The following PECR variants were observed in gnomAD, a reference collection of about 807,000 sequenced individuals.
PECR encodes the protein peroxisomal trans-2-enoyl-CoA reductase.
PECR carries 30 observed loss-of-function variants against 35.3 expected under a neutral mutation model. The observed-to-expected ratio is 0.85, with a 90% CI of 0.64 to 1.15. The LOEUF is 1.15. PECR is among the 50% of genes most tolerant of loss of function. The probability of loss-of-function intolerance (pLI) is 0.00; values close to 1 mark genes in which losing one functional copy is unlikely to be tolerated. For synonymous variants in PECR, 148 were observed against 138.9 expected (o/e 1.07, Z -0.46); for missense variants, 392 against 370.8 (o/e 1.06, Z -0.47).
At chr2:216,058,997 C>T in intron 3 of PECR, 21 bp from the exon 4 acceptor site, 1 of 1,501,834 alleles carries the variant, frequency 6.7e-7, no homozygotes, top group Non-Finnish European at 9.3e-7. Context: ...GAGGCAAACT[C>T]AATCATTAAA....
At chr2:216,046,304 A>ATTT (rs1559209216) in intron 6 of PECR, among the ~76,000 whole-genome samples, 1 of 115,134 alleles carries the variant, frequency 8.7e-6, no homozygotes, top group African/African-American at 4.0e-5. Context: ...ATATATATAT[A>ATTT]TATATATTTT....
At chr2:216,046,279 TATATATATACATAC>T (rs1247805124) in intron 6 of PECR, among the ~76,000 whole-genome samples, 15 of 19,140 alleles carry the variant, frequency 7.8e-4, no homozygotes, top group African/African-American at 2.8e-3. Flanking sequence ...ACATAAAGTA[TATATATATACATAC>T]ATATATATAT....
chr2:216,033,387 C>T (rs565040187), intron 7 of PECR, among the ~76,000 whole-genome samples: 7 of 152,066 alleles, frequency 4.6e-5, no homozygotes, highest in South Asian at 2.1e-4. Context: ...TTCACAAGAG[C>T]GAGTAAGTGG....
intron 1 of PECR, among the ~76,000 whole-genome samples, chr2:216,067,867 AAG>A (rs1011539749): frequency 1.3e-5 from 2 of 152,150 alleles, no homozygotes; most frequent in African/African-American, 4.8e-5. Context: ...ATCCAACAAA[AAG>A]AACTACCAGG....
chr2:216,035,550 C>A (rs1359018447), downstream of PECR, among the ~76,000 whole-genome samples: 1 of 150,462 alleles, frequency 6.6e-6, no homozygotes, highest in Non-Finnish European at 1.5e-5. Context: ...TGCAATGGTG[C>A]AATCTTGGCT....
intron 5 of PECR, among the ~76,000 whole-genome samples, chr2:216,049,772 T>C (rs2105949209): frequency 6.6e-6 from 1 of 152,360 alleles, no homozygotes; most frequent in African/African-American, 2.4e-5. Flanking sequence ...ACGTGAGACT[T>C]AGAAAAATGC....
chr2:216,032,842 T>C (rs547445467), intron 7 of PECR: 3 of 152,360 alleles, frequency 2.0e-5, no homozygotes, highest in East Asian at 1.9e-4. Flanking sequence ...TTTCAATAGA[T>C]GCCTTCTTTG....
chr2:216,080,058 C>T (rs1388732689), intron 1 of PECR, among the ~76,000 whole-genome samples: 1 of 150,960 alleles, frequency 6.6e-6, no homozygotes, highest in African/African-American at 2.4e-5. Context: ...GTATGCATTT[C>T]TCCAAGTAAG....
chr2:216,065,449 T>C lies in PECR; in HGVS notation c.287A>G (p.Asp96Gly). 1 of 1,608,174 alleles carries C rather than the reference T, an allele frequency of 6.2e-7. No homozygotes were observed. The highest frequency in any genetic ancestry group is 8.5e-7 in the Non-Finnish European group (1 of 1,174,530). ...CAAGAAATTGATCTTACCAAAAGTA[T>C]CTAAGGTAGATTTGACCAAATTATT... is the stretch of plus-strand genomic sequence containing the variant. ...EVNNLVKSTL[D>G]TFGKINFLVN... The change falls in exon 3 of 8, where the codon GAT becomes GGT. Residue 96 changes from aspartate to glycine, a missense_variant. Transcript: ENST00000265322.
At chr2:216,070,954 G>A (rs1574704197) in intron 1 of PECR, among the ~76,000 whole-genome samples, 1 of 152,134 alleles carries the variant, frequency 6.6e-6, no homozygotes, top group East Asian at 1.9e-4. Flanking sequence ...ACCCTCCAGC[G>A]GTATACTGAG....
At chr2:216,073,112 C>A (rs939495679) in intron 1 of PECR, among the ~76,000 whole-genome samples, 3 of 152,144 alleles carry the variant, frequency 2.0e-5, no homozygotes, top group Non-Finnish European at 2.9e-5. Flanking sequence ...TCCTTGTAAG[C>A]CTTGCCTAAC....
At chr2:216,053,306 T>C (rs1323558893) in intron 4 of PECR, among the ~76,000 whole-genome samples, 2 of 151,966 alleles carry the variant, frequency 1.3e-5, no homozygotes, top group African/African-American at 2.4e-5. Flanking sequence ...TGCAGTGGCA[T>C]GATCTCGGCT....
downstream of PECR, among the ~76,000 whole-genome samples, chr2:216,034,776 G>A (rs931203667): frequency 1.3e-5 from 2 of 152,078 alleles, no homozygotes; most frequent in Admixed American, 6.6e-5. Context: ...TGTCATTTCC[G>A]CCTCCCACGT....
chr2:216,059,903 T>C (rs1049112824), intron 3 of PECR, among the ~76,000 whole-genome samples: 1 of 152,246 alleles, frequency 6.6e-6, no homozygotes, highest in African/African-American at 2.4e-5. Context: ...TGCATCTCCA[T>C]ATGTAGTTTA....
At chr2:216,081,429 G>C (rs1384324589) in intron 1 of PECR, among the ~76,000 whole-genome samples, 189 bp downstream of exon 1, 1 of 152,120 alleles carries the variant, frequency 6.6e-6, no homozygotes, top group African/African-American at 2.4e-5. Flanking sequence ...TTAACGAGTG[G>C]CTCCACAATT....
Position 216,065,433 on chromosome 2 carries a change from G to C in PECR, c.303C>G (p.Ile101Met), listed in dbSNP as rs369065979. The change falls in exon 3 of 8, where the codon ATC (isoleucine) becomes ATG (methionine). Residue 101 changes from isoleucine to methionine, a missense_variant. Ile to Met is a conservative substitution (Grantham distance 10, BLOSUM62 1). Transcript: ENST00000265322. Reference protein sequence around the residue: ...VKSTLDTFGKINFLVNNGGGQ... With the variant: ...VKSTLDTFGKMNFLVNNGGGQ... ...CTCCTCCATTGTTCACCAAGAAATT[G>C]ATCTTACCAAAAGTATCTAAGGTAG... 7 of 1,606,916 alleles carry C rather than the reference G, an allele frequency of 4.4e-6. No individual in the cohort carries two copies. The South Asian group carries it at 7.7e-5, about 18-fold the overall frequency.
At chr2:216,030,938 TCTCTCTCTCTCTCTCTCTCACACACACA>T (rs1694674297) in intron 7 of PECR, among the ~76,000 whole-genome samples, 2 of 50,988 alleles carry the variant, frequency 3.9e-5, no homozygotes, top group Non-Finnish European at 9.3e-5. Flanking sequence ...TCTCTCTCTC[TCTCTCTCTCTCTCTCTCTCACACACACA>T]CACACACACA....
chr2:216,031,677 AAG>A lies in PECR; in HGVS notation c.*440+7512_*440+7513del, dbSNP rs1437934414. ...AAAGAAAGAAAGAAAGAAAGAAAGA[AAG>A]AAAGAAAGAAAGAGAAAGAAAGAAA... On this transcript the variant is annotated intron_variant and NMD_transcript_variant, in intron 7 of 7. Transcript: ENST00000442122. Among the ~76,000 whole-genome samples, 217 of 49,648 alleles carry A rather than the reference AAG, an allele frequency of 4.4e-3. 1 individual carries two copies. The highest frequency in any genetic ancestry group is 0.019 in the East Asian group (27 of 1,444). The allele number at this position is 49,648 out of a possible 152,430, so 32.6% of individuals were successfully genotyped here. A position where few individuals can be genotyped will look rare whatever the true frequency, so the allele number is the denominator to read the frequency against.
chr2:216,029,915 C>T (rs910712853), intron 7 of PECR, among the ~76,000 whole-genome samples: 1 of 152,222 alleles, frequency 6.6e-6, no homozygotes, highest in Non-Finnish European at 1.5e-5. Flanking sequence ...TAGCCTATGG[C>T]TGAGTCGTAT....
Sources: gnomAD v4.1 joint callset for allele counts (sites outside exome capture counted in the v4.1 genomes callset) on GRCh38, gnomAD v4.1.1 for gene constraint, MANE v1.5 for transcripts, NCBI Gene and HGNC (gene_info 2026-07-23, HGNC 2026-07-21) for gene names.